The following SRGAP1 variants were observed in gnomAD, a reference collection of about 807,000 sequenced individuals.
SRGAP1 encodes SLIT-ROBO Rho GTPase activating protein 1.
A neutral mutation model predicts 121.9 loss-of-function variants in SRGAP1; 43 were observed. The observed-to-expected ratio is 0.35, with a 90% CI of 0.28 to 0.46. SRGAP1 has a LOEUF of 0.46. SRGAP1 is among the 20% of genes least tolerant of loss of function. SRGAP1 has a pLI of 1.00. For missense variants in SRGAP1, 1,102 were observed against 1,350.9 expected, an observed-to-expected ratio of 0.82 and a Z score of 2.89; for synonymous variants, 447 against 485.4, an observed-to-expected ratio of 0.92 and a Z score of 1.04.
At chr12:64,089,027 G>A (rs2035998989) in intron 11 of SRGAP1, among the ~76,000 whole-genome samples, 1 of 152,114 alleles carries the variant, frequency 6.6e-6, no homozygotes, top group East Asian at 1.9e-4. Context: ...GGTATATTGG[G>A]GACTTTCTGA....
At chr12:64,013,615 A>G (rs2034316292) in intron 3 of SRGAP1, among the ~76,000 whole-genome samples, 1 of 152,138 alleles carries the variant, frequency 6.6e-6, no homozygotes, top group African/African-American at 2.4e-5. Context: ...ACAAAATCTA[A>G]AATTCCCACT....
In SRGAP1 at chr12:63,989,120, T is replaced by C. The variant is rs188776562; in HGVS notation, c.264-790T>C. On this transcript the variant is annotated intron_variant, in intron 2 of 21. Coordinates refer to ENST00000355086, the MANE Select transcript of SRGAP1 (RefSeq NM_020762.4). ...CCACCACGCCCAGCTGCAAAAATTT[T>C]TTAAAAAGTAATTTTTCTTAAGCTG... Among the ~76,000 whole-genome samples the C allele has an allele frequency of 5.3e-5, 8 of 152,352 alleles. No homozygotes were observed. The East Asian group carries it at 1.5e-3, about 29-fold the overall frequency.
chr12:64,072,016 G>T (rs1204589069), intron 8 of SRGAP1, among the ~76,000 whole-genome samples: 1 of 151,580 alleles, frequency 6.6e-6, no homozygotes, highest in Non-Finnish European at 1.5e-5. Flanking sequence ...ATGGCAGGAT[G>T]CTCTGCCTGT....
chr12:63,991,989 T>C (rs896688486), intron 3 of SRGAP1, among the ~76,000 whole-genome samples: 6 of 152,178 alleles, frequency 3.9e-5, no homozygotes, highest in Admixed American at 3.9e-4. Flanking sequence ...ATGAGGAAAT[T>C]GTTCTCAGAA....
chr12:63,995,818 A>G (rs1238664514), intron 3 of SRGAP1, among the ~76,000 whole-genome samples: 1 of 152,122 alleles, frequency 6.6e-6, no homozygotes, highest in East Asian at 1.9e-4. Context: ...AGTAAGATTC[A>G]TACTTATTTT....
At chr12:64,057,226 A>G (rs189540585) in intron 6 of SRGAP1, among the ~76,000 whole-genome samples, 15 of 152,294 alleles carry the variant, frequency 9.8e-5, no homozygotes, top group Admixed American at 2.6e-4. Flanking sequence ...TGATCTTTTC[A>G]TTGCTCAAGA....
At chr12:63,965,480 A>AT (rs960277813) in intron 1 of SRGAP1, among the ~76,000 whole-genome samples, 1 of 152,074 alleles carries the variant, frequency 6.6e-6, no homozygotes, top group Non-Finnish European at 1.5e-5. Context: ...ATAAAAAGTT[A>AT]TTTTTTTATT....
At chr12:63,848,538 T>C (rs1449711428) in intron 1 of SRGAP1, among the ~76,000 whole-genome samples, 1 of 152,138 alleles carries the variant, frequency 6.6e-6, no homozygotes, top group East Asian at 1.9e-4. Flanking sequence ...TCTCTTCATC[T>C]TAAGTGTCTT....
chr12:63,943,915 A>T (rs968916977), intron 1 of SRGAP1, among the ~76,000 whole-genome samples: 4 of 152,228 alleles, frequency 2.6e-5, no homozygotes, highest in Non-Finnish European at 4.4e-5. Flanking sequence ...AAAATCCAAG[A>T]ATGTATATTA....
chr12:64,117,056 G>A (rs551932844), intron 18 of SRGAP1, among the ~76,000 whole-genome samples: 1 of 152,284 alleles, frequency 6.6e-6, no homozygotes, highest in East Asian at 1.9e-4. Flanking sequence ...GCCGAGAATA[G>A]GGCAGCAGTG....
intron 1 of SRGAP1, among the ~76,000 whole-genome samples, chr12:63,896,751 G>A (rs1042776128): frequency 7.2e-5 from 11 of 152,138 alleles, no homozygotes; most frequent in Non-Finnish European, 1.2e-4. Flanking sequence ...GTGGGCTGAC[G>A]CTGGCCCATG....
At position 64,151,401 on chromosome 12, in the gene SRGAP1, TG is replaced by T. The variant is rs2037118835; in HGVS notation, c.*8730del. The T allele has an allele frequency of 1.3e-5, 2 of 152,298 alleles. No homozygotes were observed. Among genetic ancestry groups the T allele is most frequent in the South Asian group, 4.2e-4 (2 of 4,816 alleles). 9.4% of individuals were successfully genotyped at this position (152,298 alleles called of 1,614,324 possible). ...CCATTTTCCTGTCACTGAGTGAGCC[TG>T]TTTGAAGGTTTTGTTTTTTTTTCAA... On this transcript the variant is annotated 3_prime_UTR_variant, in exon 22 of 22. Transcript: ENST00000355086.
At chr12:64,088,234 C>A (rs1175345228) in intron 11 of SRGAP1, among the ~76,000 whole-genome samples, 1 of 152,106 alleles carries the variant, frequency 6.6e-6, no homozygotes, top group Admixed American at 6.5e-5. Flanking sequence ...GAAAAAAACA[C>A]TGAGGTTTTT....
chr12:63,938,344 A>C (rs1252033049), intron 1 of SRGAP1, among the ~76,000 whole-genome samples: 1 of 152,158 alleles, frequency 6.6e-6, no homozygotes, highest in African/African-American at 2.4e-5. Context: ...GGAAGAGCAG[A>C]TGCCGCCCTG....
At position 63,911,819 on chromosome 12, in the gene SRGAP1, A is replaced by G. The variant is rs149557358; in HGVS notation, c.67+66936A>G. 2.0e-4 allele frequency among the ~76,000 whole-genome samples: 30 copies of G among 152,344 alleles called. 2 individuals are homozygous for G. The highest frequency in any genetic ancestry group is 3.4e-3 in the Middle Eastern group (1 of 294). On this transcript the variant is annotated intron_variant, in intron 1 of 21. Transcript: ENST00000355086. ...CCCCTCACAGAGGAAGTGTCTTTCA[A>G]TAACCCAAAACTACTGGCTTCTAAT... is the stretch of plus-strand genomic sequence containing the variant.
At chr12:64,075,794 A>G (rs898522741) in intron 8 of SRGAP1, among the ~76,000 whole-genome samples, 1 of 152,102 alleles carries the variant, frequency 6.6e-6, no homozygotes, top group Admixed American at 6.5e-5. Flanking sequence ...GCATAACCCC[A>G]GGAATGATTA....
At chr12:63,987,270 T>C (rs531325443) in intron 2 of SRGAP1, among the ~76,000 whole-genome samples, 95 of 152,342 alleles carry the variant, frequency 6.2e-4, no homozygotes, top group African/African-American at 2.2e-3. Context: ...GGGACACTTA[T>C]TGTGTAGAAC....
chr12:63,972,377 G>C (rs1222027748), intron 1 of SRGAP1, among the ~76,000 whole-genome samples: 1 of 152,180 alleles, frequency 6.6e-6, no homozygotes, highest in African/African-American at 2.4e-5. Context: ...CTTTTCCACT[G>C]CTGATCAAAT....
At chr12:64,013,453 G>A (rs936814034) in intron 3 of SRGAP1, among the ~76,000 whole-genome samples, 1 of 152,206 alleles carries the variant, frequency 6.6e-6, no homozygotes, top group African/African-American at 2.4e-5. Flanking sequence ...TTGAAGGCTA[G>A]TGGTGGGAAG....
Sources: allele counts gnomAD v4.1 joint callset (sites outside exome capture counted in the v4.1 genomes callset), GRCh38; gene constraint gnomAD v4.1.1; transcripts MANE v1.5; gene names NCBI Gene and HGNC (gene_info 2026-07-23, HGNC 2026-07-21).